ZNF385A: variants seen among roughly 807,000 people sequenced by gnomAD.
ZNF385A encodes zinc finger protein 385A.
A neutral mutation model predicts 32.1 loss-of-function variants in ZNF385A; 14 were observed. That is an observed-to-expected ratio of 0.44 (90% CI 0.29 to 0.68). ZNF385A has a LOEUF of 0.68. Among genes scored for constraint, ZNF385A ranks in the 30% least tolerant of loss-of-function variants. ZNF385A has a pLI of 0.14. For synonymous variants in ZNF385A, 197 were observed against 202.7 expected (o/e 0.97, Z 0.24); for missense variants, 406 against 478.4 (o/e 0.85, Z 1.41).
At chr12:54,379,301 AG>A in intron 1 of ZNF385A, 3 of 626,272 alleles carry the variant, frequency 4.8e-6, no homozygotes, top group Non-Finnish European at 6.0e-6. Context: ...AGGGACAGGG[AG>A]CTGAAGAGGA....
rs1265465994 is a variant in ZNF385A, at chr12:54,384,654, C to A, written c.-140G>T. ...TGCCAGTCCCACTCCCTAGCCAGGG[C>A]CCCCACACTCAGAAGTGTCACCCTC... On this transcript the variant is annotated 5_prime_UTR_variant, in exon 1 of 7. Transcript: ENST00000394313. 3 of 1,413,698 alleles carry A rather than the reference C, an allele frequency of 2.1e-6. No homozygotes were observed. The highest frequency in any genetic ancestry group is 2.8e-6 in the Non-Finnish European group (3 of 1,088,506). 87.6% of individuals were successfully genotyped at this position (1,413,698 alleles called of 1,614,324 possible).
At chr12:54,386,558 T>C (rs915785105), upstream of ZNF385A, among the ~76,000 whole-genome samples, 1 of 152,160 alleles carries the variant, frequency 6.6e-6, no homozygotes, top group African/African-American at 2.4e-5. Flanking sequence ...TACTGCCTGT[T>C]ACCCAAGGCC....
chr12:54,383,484 C>A (rs952543057), intron 1 of ZNF385A, among the ~76,000 whole-genome samples: 4 of 152,214 alleles, frequency 2.6e-5, no homozygotes, highest in African/African-American at 9.6e-5. Context: ...CTCGGGCCTG[C>A]ATTGCTAGGA....
intron 3 of ZNF385A, 80 bp downstream of exon 3, chr12:54,373,893 G>A: frequency 2.9e-6 from 4 of 1,378,026 alleles, no homozygotes; most frequent in Non-Finnish European, 3.8e-6. Flanking sequence ...AGAGATGGAA[G>A]CAGAGGACAG....
chr12:54,387,685 C>G (rs2706250), upstream of ZNF385A, among the ~76,000 whole-genome samples: 20,592 of 152,196 alleles, frequency 0.14, 2,039 homozygotes, highest in South Asian at 0.32. Context: ...AAGTTGTTGA[C>G]AGGATTGAAC....
In ZNF385A at chr12:54,375,916, A is replaced by G. The variant is rs760679071; in HGVS notation, c.126T>C (p.Phe42=). The part of the protein sequence containing the change: ...PVQKAVLSHT[F]GGPLLKTKRP... ...GCTTGGTCTTGAGCAAGGGTCCCCCAAAAGTGTGGGAGAGCACAGCCTTCT... is the reference window on the plus strand; with the variant it reads ...GCTTGGTCTTGAGCAAGGGTCCCCCGAAAGTGTGGGAGAGCACAGCCTTCT... The change falls in exon 2 of 7, where the codon TTT becomes TTC. Residue 42 remains phenylalanine, a synonymous_variant. Coordinates refer to ENST00000394313, the MANE Select transcript of ZNF385A (RefSeq NM_015481.3). The G allele has an allele frequency of 2.8e-5, 45 of 1,614,128 alleles. No homozygotes were observed. Among genetic ancestry groups the G allele is most frequent in the Non-Finnish European group, 3.7e-5 (44 of 1,180,008 alleles).
upstream of ZNF385A, among the ~76,000 whole-genome samples, chr12:54,387,179 T>A (rs1400747635): frequency 6.6e-6 from 1 of 152,348 alleles, no homozygotes; most frequent in East Asian, 1.9e-4. Flanking sequence ...AGTCCTCATT[T>A]TTCCTCCAGA....
At chr12:54,388,985 G>A (rs980230621), upstream of ZNF385A, among the ~76,000 whole-genome samples, 1 of 152,210 alleles carries the variant, frequency 6.6e-6, no homozygotes, top group African/African-American at 2.4e-5. Flanking sequence ...AATAACCCCA[G>A]GGTGGATGTG....
At chr12:54,381,033 T>C (rs527926492) in intron 1 of ZNF385A, among the ~76,000 whole-genome samples, 1 of 151,814 alleles carries the variant, frequency 6.6e-6, no homozygotes, top group East Asian at 1.9e-4. Flanking sequence ...CTGTCTCTAC[T>C]AAAAATACAA....
rs759793938 is a variant in ZNF385A, at chr12:54,373,958, G to A, written c.361+15C>T. ...ACAGAGATCAGTTGAAGAATATGCGGGGATTCAGACACACCTGGACGGGGT... is the reference window on the plus strand; with the variant it reads ...ACAGAGATCAGTTGAAGAATATGCGAGGATTCAGACACACCTGGACGGGGT... On this transcript the variant is annotated intron_variant, in intron 3 of 6. Transcript: ENST00000394313. 105 of 1,466,678 alleles carry A rather than the reference G, an allele frequency of 7.2e-5. No individual in the cohort carries two copies. Among genetic ancestry groups the A allele is most frequent in the Admixed American group, 1.1e-4 (5 of 44,618 alleles). 90.9% of individuals were successfully genotyped at this position (1,466,678 alleles called of 1,614,324 possible).
upstream of ZNF385A, among the ~76,000 whole-genome samples, chr12:54,388,190 A>G (rs1955545711): frequency 6.6e-6 from 1 of 152,124 alleles, no homozygotes; most frequent in Non-Finnish European, 1.5e-5. Context: ...AGCCCCACCC[A>G]GCTTCATCGA....
chr12:54,384,743 G>A, upstream of ZNF385A: 1 of 1,299,452 alleles, frequency 7.7e-7, no homozygotes, highest in Non-Finnish European at 9.7e-7. Flanking sequence ...TGCCCTGTGG[G>A]CCTGGGGGAG....
At chr12:54,376,637 A>G (rs1954863918) in intron 1 of ZNF385A, among the ~76,000 whole-genome samples, 1 of 152,178 alleles carries the variant, frequency 6.6e-6, no homozygotes, top group South Asian at 2.1e-4. Context: ...GGATCTTCTG[A>G]ACCTTTTCTC....
chr12:54,371,793 C>G, intron 3 of ZNF385A, 78 bp from the exon 4 acceptor site: 1 of 1,583,778 alleles, frequency 6.3e-7, no homozygotes, highest in Non-Finnish European at 8.5e-7. Flanking sequence ...AGACCCCCCC[C>G]ATTTCCTGGA....
chr12:54,379,206 G>T (rs2137241918), intron 1 of ZNF385A: 1 of 982,180 alleles, frequency 1.0e-6, no homozygotes, highest in South Asian at 4.7e-5. Context: ...CCGGCCGGCG[G>T]GGAGAAGGGG....
chr12:54,373,883 A>C (rs1280814246), intron 3 of ZNF385A, 90 bp downstream of exon 3: 3 of 1,346,938 alleles, frequency 2.2e-6, no homozygotes, highest in Non-Finnish European at 3.0e-6. Context: ...TGAGGAAGAG[A>C]GAGATGGAAG....
chr12:54,370,804 C>A lies in ZNF385A; in HGVS notation c.775-83G>T, dbSNP rs1954501866. On this transcript the variant is annotated intron_variant, in intron 5 of 6. Coordinates refer to ENST00000394313, the MANE Select transcript of ZNF385A (RefSeq NM_015481.3). The surrounding 1 kb of genome is among the most constrained non-coding windows in gnomAD (Gnocchi z 5.5). The stretch of plus-strand genomic sequence containing the variant: ...AGTATAATCAAGCTCCAAGCACCGG[C>A]CCCCTCCCATCTGGCCCCCTGGGGA... 1.9e-6 allele frequency: 3 copies of A among 1,592,980 alleles called. No individual in the cohort carries two copies. The highest frequency in any genetic ancestry group is 1.3e-5 in the African/African-American group (1 of 74,606).
chr12:54,378,276 G>A (rs1222709210), intron 1 of ZNF385A, among the ~76,000 whole-genome samples: 5 of 152,166 alleles, frequency 3.3e-5, no homozygotes, highest in Non-Finnish European at 5.9e-5. Flanking sequence ...AGGAGGCCCC[G>A]GTGACCTAGA....
rs1954843894 is a variant in ZNF385A, at chr12:54,376,221, A to G, written c.88-267T>C. ...ACGTCACACCATGAGTTAATAGCAG[A>G]TCTGGTATCTGAACCTGGATTCCTG... On this transcript the variant is annotated intron_variant, in intron 1 of 6. Coordinates refer to ENST00000394313, the MANE Select transcript of ZNF385A (RefSeq NM_015481.3). Among the ~76,000 whole-genome samples, 6 of 152,304 alleles carry G rather than the reference A, an allele frequency of 3.9e-5. No individual in the cohort carries two copies. In the South Asian group the frequency reaches 1.2e-3, roughly 32 times the overall value.
Sources: allele counts gnomAD v4.1 joint callset (sites outside exome capture counted in the v4.1 genomes callset), GRCh38; gene constraint gnomAD v4.1.1; non-coding constraint Gnocchi (gnomAD v3.1); transcripts MANE v1.5; gene names NCBI Gene and HGNC (gene_info 2026-07-23, HGNC 2026-07-21).